Variants in SH3D19 observed in about 807,000 individuals in gnomAD.
SH3D19 encodes the protein SH3 domain containing 19, also known as SH3 domain-containing protein 19.
In SH3D19, 58 loss-of-function variants were observed where a neutral mutation model predicts 112.1. The ratio of observed to expected loss-of-function variants is 0.52; its 90% CI spans 0.42 to 0.64. The LOEUF (loss-of-function observed/expected upper bound fraction) is 0.64, where lower values mean the gene tolerates loss of function less well. SH3D19 is among the 30% of genes least tolerant of loss of function. SH3D19 has a pLI of 0.00. For missense variants in SH3D19, 1,090 were observed against 1,263.4 expected, an observed-to-expected ratio of 0.86 and a Z score of 2.08; for synonymous variants, 391 against 448.5, an observed-to-expected ratio of 0.87 and a Z score of 1.62.
chr4:151,180,825 G>A (rs1354021768), intron 3 of SH3D19, among the ~76,000 whole-genome samples: 7 of 150,696 alleles, frequency 4.6e-5, no homozygotes, highest in Non-Finnish European at 8.9e-5. Context: ...GTGCAGTGGC[G>A]CCATCTCGGC....
rs375768510 is a variant in SH3D19, at chr4:151,175,331, A to G, written c.873T>C (p.Asn291=). The G allele has an allele frequency of 5.0e-6, 8 of 1,613,430 alleles. No homozygotes were observed. The highest frequency in any genetic ancestry group is 6.8e-6 in the Non-Finnish European group (8 of 1,179,730). ...ACACTTTAATTCTGGAAACAATACT[A>G]TTTTGGCTTTGTTCTGTGTTCATAA... is the stretch of plus-strand genomic sequence containing the variant. The part of the protein sequence containing the change: ...MNIMNTEQSQ[N]SIVSRIKVFE... Residue 291 remains asparagine, a synonymous_variant, in exon 7 of 20, where the codon AAT becomes AAC. Transcript: ENST00000604030.
At chr4:151,269,906 G>T (rs1773114140) in intron 1 of SH3D19, among the ~76,000 whole-genome samples, 1 of 152,030 alleles carries the variant, frequency 6.6e-6, no homozygotes, top group South Asian at 2.1e-4. Flanking sequence ...ACAGGGTCAG[G>T]ATCATCAGTA....
At chr4:151,133,310 T>C (rs1407985154) in intron 15 of SH3D19, 74 bp from the exon 16 acceptor site, 3 of 1,213,966 alleles carry the variant, frequency 2.5e-6, no homozygotes, top group Non-Finnish European at 3.6e-6. Flanking sequence ...CATTCAGTCT[T>C]TCAATAAATA....
intron 11 of SH3D19, among the ~76,000 whole-genome samples, chr4:151,147,669 GC>G (rs376514794): frequency 3.3e-5 from 5 of 152,092 alleles, no homozygotes; most frequent in African/African-American, 7.2e-5. Context: ...CACCACATTG[GC>G]CAGCTGGTCT....
Position 151,144,044 on chromosome 4 carries a change from C to T in SH3D19, c.2089G>A (p.Asp697Asn). The change falls in exon 12 of 20, where the codon GAT becomes AAT. Residue 697 changes from aspartate to asparagine, a missense_variant. Coordinates refer to ENST00000604030, the MANE Select transcript of SH3D19 (RefSeq NM_001378122.1). ...HPLYSKYMRG[D>N]VLVMLKQTEN... Reference sequence around the variant, plus strand: ...GTCTGCTTCAGCATCACAAGTACATCCCCACGCTGCAAGGTACAATACCAC... The same window carrying T: ...GTCTGCTTCAGCATCACAAGTACATTCCCACGCTGCAAGGTACAATACCAC... 1 of 1,613,618 alleles carries T rather than the reference C, an allele frequency of 6.2e-7. No individual in the cohort carries two copies. Among genetic ancestry groups the T allele is most frequent in the Non-Finnish European group, 8.5e-7 (1 of 1,179,832 alleles).
At chr4:151,310,210 CAAAAAAAAAAA>C (rs1207145608) in intron 1 of SH3D19, among the ~76,000 whole-genome samples, 1 of 100,302 alleles carries the variant, frequency 1.0e-5, no homozygotes, top group Non-Finnish European at 2.2e-5. Context: ...TCTGTCTTTA[CAAAAAAAAAAA>C]AAAAAAAAAA....
chr4:151,301,848 A>G lies in SH3D19; in HGVS notation c.112+23393T>C, dbSNP rs370069080. On this transcript the variant is annotated intron_variant, in intron 1 of 19. Transcript: ENST00000604030. The stretch of plus-strand genomic sequence containing the variant: ...TTCTTACATTGAGCATTAAATAAGC[A>G]AACTGAGAGAACTACAATATATTCC... Among the ~76,000 whole-genome samples the G allele has an allele frequency of 1.6e-4, 25 of 152,326 alleles. 1 individual carries two copies. The highest frequency in any genetic ancestry group is 1.0e-3 in the Admixed American group (16 of 15,302).
intron 1 of SH3D19, among the ~76,000 whole-genome samples, chr4:151,297,224 A>G (rs1484418022): frequency 6.6e-6 from 1 of 152,268 alleles, no homozygotes; most frequent in Middle Eastern, 3.2e-3. Context: ...TTTAATGGAA[A>G]TTCTATTTGC....
At chr4:151,305,974 TAA>T (rs1389666390) in intron 1 of SH3D19, among the ~76,000 whole-genome samples, 1 of 152,190 alleles carries the variant, frequency 6.6e-6, no homozygotes, top group Non-Finnish European at 1.5e-5. Flanking sequence ...ATTGATATAG[TAA>T]CAAAATGAAT....
In SH3D19 at chr4:151,313,403, GTATT is replaced by G. The variant is rs142590729; in HGVS notation, c.112+11834_112+11837del. Among the ~76,000 whole-genome samples, 669 of 149,822 alleles carry G rather than the reference GTATT, an allele frequency of 4.5e-3. 3 individuals are homozygous for G. The highest frequency in any genetic ancestry group is 0.01 in the South Asian group (49 of 4,702). ...TCAAATAGAAGTCTGCATATTTTAT[GTATT>G]TATTTATTTATTTATTTATTTATTT... On this transcript the variant is annotated intron_variant, in intron 1 of 19. Transcript: ENST00000604030.
At chr4:151,307,473 C>T (rs1364578239) in intron 1 of SH3D19, among the ~76,000 whole-genome samples, 2 of 152,382 alleles carry the variant, frequency 1.3e-5, no homozygotes, top group Admixed American at 6.5e-5. Flanking sequence ...CAAAAAGCCA[C>T]TCGCGTCTGG....
chr4:151,172,452 G>C (rs1396878787), intron 7 of SH3D19, among the ~76,000 whole-genome samples: 1 of 152,124 alleles, frequency 6.6e-6, no homozygotes. Flanking sequence ...GAGTGTAAAG[G>C]CCTAAAGTGG....
intron 1 of SH3D19, among the ~76,000 whole-genome samples, chr4:151,319,014 T>C (rs1488563213): frequency 1.3e-5 from 2 of 152,214 alleles, no homozygotes; most frequent in African/African-American, 4.8e-5. Flanking sequence ...TTAGGCACCA[T>C]TTTGCATACA....
chr4:151,289,086 T>G (rs1415076839), intron 1 of SH3D19, among the ~76,000 whole-genome samples: 1 of 152,218 alleles, frequency 6.6e-6, no homozygotes, highest in Non-Finnish European at 1.5e-5. Flanking sequence ...AACCCTTATA[T>G]TTATGGTCAA....
intron 13 of SH3D19, among the ~76,000 whole-genome samples, 166 bp from the exon 14 acceptor site, chr4:151,138,028 G>A (rs1251816548): frequency 5.9e-5 from 9 of 151,738 alleles, no homozygotes. Context: ...TCTTTTTTTG[G>A]ACATTGTTAT....
At chr4:151,237,882 A>G (rs1770252627) in intron 1 of SH3D19, among the ~76,000 whole-genome samples, 1 of 152,208 alleles carries the variant, frequency 6.6e-6, no homozygotes, top group African/African-American at 2.4e-5. Context: ...ATGTACTAAT[A>G]AATAATTTCT....
At chr4:151,212,001 T>C (rs2407415) in intron 2 of SH3D19, among the ~76,000 whole-genome samples, 126,798 of 152,156 alleles carry the variant, frequency 0.83, 54,329 homozygotes, top group Non-Finnish European at 0.95. Context: ...GATGAAGTAG[T>C]ATTATATTGG....
chr4:151,176,298 G>GT (rs1341471783), intron 6 of SH3D19, among the ~76,000 whole-genome samples: 1 of 152,228 alleles, frequency 6.6e-6, no homozygotes, highest in African/African-American at 2.4e-5. Flanking sequence ...TACGGATAAT[G>GT]TTTTTGTGAT....
At chr4:151,124,798 T>G (rs1354598137) in intron 19 of SH3D19, among the ~76,000 whole-genome samples, 1 of 152,134 alleles carries the variant, frequency 6.6e-6, no homozygotes, top group East Asian at 1.9e-4. Context: ...CAGAATCCCT[T>G]AACAACAACA....
Sources: gnomAD v4.1 joint callset for allele counts (sites outside exome capture counted in the v4.1 genomes callset) on GRCh38, gnomAD v4.1.1 for gene constraint, MANE v1.5 for transcripts, NCBI Gene and HGNC (gene_info 2026-07-23, HGNC 2026-07-21) for gene names.